The following PJA2 variants were observed in gnomAD, a reference collection of about 807,000 sequenced individuals.
The protein encoded by PJA2 is E3 ubiquitin-protein ligase Praja-2.
PJA2 carries 25 observed loss-of-function variants against 69.3 expected under a neutral mutation model. The observed-to-expected ratio is 0.36, with a 90% confidence interval of 0.26 to 0.50. The LOEUF is 0.50. Among genes scored for constraint, PJA2 ranks in the 20% least tolerant of loss-of-function variants. PJA2 has a pLI of 0.96. For missense variants in PJA2, 809 were observed against 830.2 expected, an observed-to-expected ratio of 0.97 and a Z score of 0.31; for synonymous variants, 308 against 277.8, an observed-to-expected ratio of 1.11 and a Z score of -1.08.
chr5:109,350,561 T>A (rs1762233722), intron 7 of PJA2, among the ~76,000 whole-genome samples: 1 of 152,216 alleles, frequency 6.6e-6, no homozygotes. Flanking sequence ...TTGATTTGAA[T>A]AAACCTATAT....
chr5:109,394,417 C>G (rs1473050686), intron 1 of PJA2, among the ~76,000 whole-genome samples: 1 of 152,076 alleles, frequency 6.6e-6, no homozygotes, highest in Non-Finnish European at 1.5e-5. Flanking sequence ...GAAGTTACAC[C>G]CATTTTTATA....
intron 7 of PJA2, among the ~76,000 whole-genome samples, chr5:109,349,946 C>T (rs1176581449): frequency 1.3e-5 from 2 of 152,096 alleles, no homozygotes; most frequent in Non-Finnish European, 2.9e-5. Flanking sequence ...TATGAATCTC[C>T]TCCAATTCCC....
At chr5:109,361,207 A>G (rs1433101505) in intron 6 of PJA2, among the ~76,000 whole-genome samples, 1 of 152,244 alleles carries the variant, frequency 6.6e-6, no homozygotes, top group Admixed American at 6.5e-5. Context: ...TTTTGGAAGT[A>G]TTTGGAAATA....
intron 1 of PJA2, among the ~76,000 whole-genome samples, chr5:109,387,093 G>C (rs925712774): frequency 1.3e-5 from 2 of 152,018 alleles, no homozygotes; most frequent in Non-Finnish European, 2.9e-5. Context: ...TCACTCTACA[G>C]ACTGGGAGAT....
At chr5:109,341,325 G>A (rs1189623500) in intron 9 of PJA2, among the ~76,000 whole-genome samples, 71 of 149,872 alleles carry the variant, frequency 4.7e-4, no homozygotes, top group African/African-American at 1.1e-3. Context: ...GCCTCTGCCC[G>A]GCCGAGACCC....
chr5:109,353,220 C>T (rs1762300514), intron 7 of PJA2, among the ~76,000 whole-genome samples: 1 of 139,606 alleles, frequency 7.2e-6, no homozygotes, highest in Non-Finnish European at 1.5e-5. Context: ...CTATAGATAT[C>T]TATATATTAG....
At chr5:109,408,383 A>G (rs1747740915) in intron 1 of PJA2, among the ~76,000 whole-genome samples, 1 of 152,256 alleles carries the variant, frequency 6.6e-6, no homozygotes, top group Non-Finnish European at 1.5e-5. Flanking sequence ...GGAATAGAAT[A>G]AATTATAGCC....
At chr5:109,404,773 G>A (rs1466589820) in intron 1 of PJA2, among the ~76,000 whole-genome samples, 1 of 152,074 alleles carries the variant, frequency 6.6e-6, no homozygotes, top group African/African-American at 2.4e-5. Flanking sequence ...CCTCACAATG[G>A]GGATTATGTT....
At position 109,377,394 on chromosome 5, in the gene PJA2, G is replaced by C. The variant is rs557473204; in HGVS notation, c.1283+810C>G. Among the ~76,000 whole-genome samples, 19 of 152,184 alleles carry C rather than the reference G, an allele frequency of 1.2e-4. No homozygotes were observed. In the South Asian group the frequency reaches 3.1e-3, roughly 25 times the overall value. ...AGGACTCATGAAAATCTGGACACTG[G>C]GGTAATGGAAATTCAGCAACTGAAC... On this transcript the variant is annotated intron_variant, in intron 4 of 9. Transcript: ENST00000361189.
intron 8 of PJA2, among the ~76,000 whole-genome samples, 169 bp downstream of exon 8, chr5:109,344,536 A>G (rs1196664923): frequency 6.6e-6 from 1 of 152,250 alleles, no homozygotes; most frequent in Non-Finnish European, 1.5e-5. Flanking sequence ...CTATCGCTTG[A>G]AAATTAAAAA....
chr5:109,347,567 G>C (rs1217409212), intron 7 of PJA2, among the ~76,000 whole-genome samples: 3 of 152,224 alleles, frequency 2.0e-5, no homozygotes, highest in African/African-American at 7.2e-5. Context: ...AGAGTACCTA[G>C]GGGCTTGGTC....
At chr5:109,368,445 C>G in intron 5 of PJA2, 116 bp downstream of exon 5, 2 of 795,772 alleles carry the variant, frequency 2.5e-6, no homozygotes, top group Non-Finnish European at 3.8e-6. Context: ...ATCAGGGGGG[C>G]CTACTGGTTC....
At chr5:109,340,325 T>A (rs549486226) in intron 9 of PJA2, among the ~76,000 whole-genome samples, 24 of 151,532 alleles carry the variant, frequency 1.6e-4, no homozygotes, top group African/African-American at 5.3e-4. Context: ...AGATTTTAAG[T>A]GGAATTTTGA....
Position 109,338,771 on chromosome 5 carries a change from A to G in PJA2, c.2002-1415T>C, listed in dbSNP as rs78245957. Among the ~76,000 whole-genome samples the G allele has an allele frequency of 9.2e-3, 1,398 of 152,242 alleles. 18 individuals carry two copies. Among genetic ancestry groups the G allele is most frequent in the African/African-American group, 0.032 (1,346 of 41,512 alleles). ...GGTCTTGATGAACTACATACTAGCTATTTAAACTTAGACAAGTAACAATCA... is the reference window on the plus strand; with the variant it reads ...GGTCTTGATGAACTACATACTAGCTGTTTAAACTTAGACAAGTAACAATCA... On this transcript the variant is annotated intron_variant, in intron 9 of 9. Coordinates refer to ENST00000361189, the MANE Select transcript of PJA2 (RefSeq NM_014819.5).
chr5:109,397,303 G>C (rs1023769459), intron 1 of PJA2, among the ~76,000 whole-genome samples: 2 of 152,154 alleles, frequency 1.3e-5, no homozygotes, highest in Non-Finnish European at 2.9e-5. Flanking sequence ...AAGACAGACA[G>C]CTATAACATC....
chr5:109,362,583 C>T (rs1021415567), intron 6 of PJA2, among the ~76,000 whole-genome samples: 18 of 151,554 alleles, frequency 1.2e-4, no homozygotes, highest in African/African-American at 3.9e-4. Context: ...AAATCCAAAA[C>T]TAAAAAAAAG....
In PJA2 at chr5:109,336,129, C is replaced by T. The variant is rs182907163; in HGVS notation, c.*1102G>A. The T allele has an allele frequency of 6.6e-6, 1 of 152,548 alleles. No individual in the cohort carries two copies. The highest frequency in any genetic ancestry group is 2.4e-5 in the African/African-American group (1 of 41,550). 9.4% of individuals were successfully genotyped at this position (152,548 alleles called of 1,614,324 possible). A position where few individuals can be genotyped will look rare whatever the true frequency, so the allele number is the denominator to read the frequency against. On this transcript the variant is annotated 3_prime_UTR_variant, in exon 10 of 10. Transcript: ENST00000361189. ...TGCCCAAACTAAATTATCAATGTAC[C>T]AGTTAGACGGACATACACTCACTAT...
At position 109,383,367 on chromosome 5, in the gene PJA2, A is replaced by G. The variant is rs760725708; in HGVS notation, c.31+36T>C. ...CTCAAGGTACCCAGAGGAAAAAACA[A>G]GAAGTACTCAATGTAGAAGAACTGA... On this transcript the variant is annotated intron_variant, in intron 2 of 9. Transcript: ENST00000361189. 3.6e-5 allele frequency: 58 copies of G among 1,603,106 alleles called. No individual in the cohort carries two copies. In the South Asian group the frequency reaches 5.2e-4, roughly 14 times the overall value.
At chr5:109,349,873 C>G (rs1762221353) in intron 7 of PJA2, among the ~76,000 whole-genome samples, 1 of 152,134 alleles carries the variant, frequency 6.6e-6, no homozygotes, top group Non-Finnish European at 1.5e-5. Context: ...TTTCCCATTG[C>G]AAGATAGGAA....
Sources: allele counts gnomAD v4.1 joint callset (sites outside exome capture counted in the v4.1 genomes callset), GRCh38; gene constraint gnomAD v4.1.1; transcripts MANE v1.5; gene names NCBI Gene and HGNC (gene_info 2026-07-23, HGNC 2026-07-21).